PRICKLE1: variants seen among roughly 807,000 people sequenced by gnomAD.
PRICKLE1 encodes prickle-like protein 1.
A neutral mutation model predicts 70.2 loss-of-function variants in PRICKLE1; 14 were observed. The ratio of observed to expected loss-of-function variants is 0.20; its 90% CI spans 0.13 to 0.31. The LOEUF is 0.31. Ranked by LOEUF, PRICKLE1 falls within the 10% of genes least tolerant of loss-of-function variation. PRICKLE1 has a pLI of 1.00. For synonymous variants in PRICKLE1, 357 were observed against 379.9 expected (o/e 0.94, Z 0.70); for missense variants, 821 against 1,026.2 (o/e 0.80, Z 2.73).
intron 1 of PRICKLE1, among the ~76,000 whole-genome samples, chr12:42,548,233 T>A (rs527780391): frequency 6.6e-6 from 1 of 152,124 alleles, no homozygotes; most frequent in Non-Finnish European, 1.5e-5. Flanking sequence ...AACCAGTTAC[T>A]TGAGGTGTGG....
intron 1 of PRICKLE1, among the ~76,000 whole-genome samples, chr12:42,557,881 G>T (rs1940439103): frequency 6.6e-6 from 1 of 152,176 alleles, no homozygotes; most frequent in Admixed American, 6.5e-5. Context: ...AAAGTGAACA[G>T]CTTTGACATT....
In PRICKLE1 at chr12:42,580,554, T is replaced by C. The variant is rs923535254; in HGVS notation, c.-49+8911A>G. Among the ~76,000 whole-genome samples, 13 of 152,196 alleles carry C rather than the reference T, an allele frequency of 8.5e-5. No individual in the cohort carries two copies. The South Asian group carries it at 1.5e-3, about 17-fold the overall frequency. ...TCATTGTTTTAAATTGGGAGATACT[T>C]TGTGCGAGAGGTGTTTGCAAGTTGA... On this transcript the variant is annotated intron_variant, in intron 1 of 7. Transcript: ENST00000345127.
chr12:42,524,504 C>G (rs749249100), intron 1 of PRICKLE1, among the ~76,000 whole-genome samples: 3 of 152,178 alleles, frequency 2.0e-5, no homozygotes, highest in Admixed American at 2.0e-4. Flanking sequence ...ACCACCACCC[C>G]CTGGGTTCAA....
intron 1 of PRICKLE1, among the ~76,000 whole-genome samples, chr12:42,489,308 A>G (rs1314611770): frequency 2.0e-5 from 3 of 152,054 alleles, no homozygotes; most frequent in Admixed American, 6.6e-5. Context: ...GTCTCAATAT[A>G]CTAAAATATA....
chr12:42,566,367 A>T (rs1940620872), intron 1 of PRICKLE1, among the ~76,000 whole-genome samples: 1 of 152,168 alleles, frequency 6.6e-6, no homozygotes, highest in Non-Finnish European at 1.5e-5. Flanking sequence ...ACTAACCTAG[A>T]AGGATACACA....
intron 1 of PRICKLE1, among the ~76,000 whole-genome samples, chr12:42,563,712 A>G (rs1940569471): frequency 6.6e-6 from 1 of 151,012 alleles, no homozygotes. Context: ...CAAAAAAAAA[A>G]AAAAAAAAAA....
chr12:42,456,891 T>C lies in PRICKLE1; in HGVS notation c.*2918A>G, dbSNP rs965857909. 6.6e-6 allele frequency: 1 copy of C among 152,152 alleles called. No homozygotes were observed. The highest frequency in any genetic ancestry group is 1.5e-5 in the Non-Finnish European group (1 of 68,020). 9.4% of individuals were successfully genotyped at this position (152,152 alleles called of 1,614,324 possible). Reference sequence around the variant, plus strand: ...ATTTTTAAGCTTCAAAGTTACATTATTGCCAGACGCAGTGGCTCATGCCTG... The same window carrying C: ...ATTTTTAAGCTTCAAAGTTACATTACTGCCAGACGCAGTGGCTCATGCCTG... On this transcript the variant is annotated 3_prime_UTR_variant, in exon 8 of 8. Transcript: ENST00000345127.
chr12:42,460,399 C>A lies in PRICKLE1; in HGVS notation c.1906G>T (p.Asp636Tyr). The A allele has an allele frequency of 1.2e-6, 2 of 1,614,100 alleles. No homozygotes were observed. The highest frequency in any genetic ancestry group is 1.7e-6 in the Non-Finnish European group (2 of 1,179,992). The change falls in exon 8 of 8, where the codon GAT becomes TAT. Residue 636 changes from aspartate (D) to tyrosine (Y), a missense_variant. Physicochemically the swap from Asp to Tyr is radical, Grantham distance 160. Coordinates refer to ENST00000345127, the MANE Select transcript of PRICKLE1 (RefSeq NM_153026.3). ...TCATAGTTCCCATTGTCAATGACAT[C>A]ATCAGAAAACTTGACCTGCTGGGGT... ...SRPQQVKFSD[D>Y]VIDNGNYDIE...
intron 1 of PRICKLE1, among the ~76,000 whole-genome samples, chr12:42,547,964 C>A (rs1940242378): frequency 6.6e-6 from 1 of 152,176 alleles, no homozygotes. Context: ...GTTTCATATA[C>A]AACTTATACA....
At chr12:42,524,577 A>G (rs1011839842) in intron 1 of PRICKLE1, among the ~76,000 whole-genome samples, 1 of 151,900 alleles carries the variant, frequency 6.6e-6, no homozygotes, top group African/African-American at 2.4e-5. Context: ...GCACCCGGCT[A>G]ATTTTTGTAT....
intron 1 of PRICKLE1, among the ~76,000 whole-genome samples, chr12:42,500,937 T>G (rs972857300): frequency 6.6e-6 from 1 of 152,234 alleles, no homozygotes; most frequent in Non-Finnish European, 1.5e-5. Context: ...ACTTTTATAA[T>G]AGACTAGATC....
intron 1 of PRICKLE1, among the ~76,000 whole-genome samples, chr12:42,575,999 C>T (rs1940800350): frequency 6.6e-6 from 1 of 152,198 alleles, no homozygotes; most frequent in Non-Finnish European, 1.5e-5. Flanking sequence ...TAAGTGCTTA[C>T]ATGCCTTCCT....
Position 42,571,613 on chromosome 12 carries a change from C to T in PRICKLE1, c.-49+17852G>A, listed in dbSNP as rs554055683. On this transcript the variant is annotated intron_variant, in intron 1 of 7. Coordinates refer to ENST00000345127, the MANE Select transcript of PRICKLE1 (RefSeq NM_153026.3). Reference sequence around the variant, plus strand: ...TGACTTTTCAGACCCACCTGATGGACGGGAGCTTACGCTTGTTTTTATGAT... The same window carrying T: ...TGACTTTTCAGACCCACCTGATGGATGGGAGCTTACGCTTGTTTTTATGAT... Among the ~76,000 whole-genome samples the T allele has an allele frequency of 3.9e-5, 6 of 152,308 alleles. No individual in the cohort carries two copies. In the South Asian group the frequency reaches 6.2e-4, roughly 16 times the overall value.
At position 42,460,524 on chromosome 12, in the gene PRICKLE1, G is replaced by T. The variant is rs758594837; in HGVS notation, c.1781C>A (p.Ser594Tyr). 6.2e-7 allele frequency: 1 copy of T among 1,614,018 alleles called. No individual in the cohort carries two copies. The highest frequency in any genetic ancestry group is 8.5e-7 in the Non-Finnish European group (1 of 1,179,936). The part of the protein sequence containing the change: ...NSSMLHRSAE[S>Y]LKSLSSELCP... The stretch of plus-strand genomic sequence containing the variant: ...CAACTCTGAACTTAGACTCTTTAAG[G>T]ACTCTGCACTCCTGTGCAGCATGGA... Residue 594 changes from serine (S) to tyrosine (Y), a missense_variant, in exon 8 of 8, where the codon TCC (serine) becomes TAC (tyrosine). Transcript: ENST00000345127.
At chr12:42,481,888 T>C (rs149659313) in intron 1 of PRICKLE1, among the ~76,000 whole-genome samples, 35 of 150,910 alleles carry the variant, frequency 2.3e-4, no homozygotes, top group African/African-American at 7.2e-4. Flanking sequence ...CAGTGCTTAC[T>C]GTCTACTAAA....
Position 42,460,422 on chromosome 12 carries a change from G to T in PRICKLE1, c.1883C>A (p.Pro628His). Reference sequence around the variant, plus strand: ...ATCATCAGAAAACTTGACCTGCTGGGGTCTGGATTGAGACTTGGACCTTCT... The same window carrying T: ...ATCATCAGAAAACTTGACCTGCTGGTGTCTGGATTGAGACTTGGACCTTCT... ...VLRRSKSQSR[P>H]QQVKFSDDVI... Residue 628 changes from proline (P) to histidine (H), a missense_variant, in exon 8 of 8, where the codon CCC (proline) becomes CAC (histidine). Pro to His is a moderately conservative substitution (Grantham distance 77). Coordinates refer to ENST00000345127, the MANE Select transcript of PRICKLE1 (RefSeq NM_153026.3). The T allele has an allele frequency of 6.2e-7, 1 of 1,614,102 alleles. No individual in the cohort carries two copies. The highest frequency in any genetic ancestry group is 1.1e-5 in the South Asian group (1 of 91,070).
At chr12:42,560,103 AATTATTATTATTATTATTATT>A (rs35742688) in intron 1 of PRICKLE1, among the ~76,000 whole-genome samples, 1 of 139,894 alleles carries the variant, frequency 7.1e-6, no homozygotes, top group African/African-American at 2.6e-5. Context: ...AATCTCCTTT[AATTATTATTATTATTATTATT>A]ATTATTATTA....
chr12:42,545,962 T>G (rs548758494), intron 1 of PRICKLE1, among the ~76,000 whole-genome samples: 175 of 151,222 alleles, frequency 1.2e-3, no homozygotes, highest in African/African-American at 4.1e-3. Context: ...TAAAAAAAAA[T>G]CTATAGTCAA....
intron 1 of PRICKLE1, among the ~76,000 whole-genome samples, chr12:42,581,260 G>C (rs1030877847): frequency 2.0e-5 from 3 of 152,104 alleles, no homozygotes; most frequent in African/African-American, 7.2e-5. Flanking sequence ...GAAGCCCAGA[G>C]AGGCTGAGAA....
Sources: allele counts gnomAD v4.1 joint callset (sites outside exome capture counted in the v4.1 genomes callset), GRCh38; gene constraint gnomAD v4.1.1; transcripts MANE v1.5; gene names NCBI Gene and HGNC (gene_info 2026-07-23, HGNC 2026-07-21).